Variants in DIS3L observed in about 807,000 individuals in gnomAD.
The protein encoded by DIS3L is DIS3-like exonuclease 1.
Under a neutral mutation model 120.3 loss-of-function variants are expected in DIS3L, and 100 were observed. The observed-to-expected ratio is 0.83, with a 90% CI of 0.71 to 0.98. The LOEUF is 0.98. Ranked by LOEUF, DIS3L falls within the 50% of genes least tolerant of loss-of-function variation. The pLI, the probability that DIS3L is intolerant of heterozygous loss-of-function variation, is 0.00. For missense variants in DIS3L, 1,196 were observed against 1,314.2 expected (o/e 0.91, Z 1.39); for synonymous variants, 426 against 470.6 (o/e 0.91, Z 1.23).
intron 1 of DIS3L, among the ~76,000 whole-genome samples, chr15:66,294,611 A>G (rs1470726991): frequency 6.6e-6 from 1 of 152,128 alleles, no homozygotes; most frequent in African/African-American, 2.4e-5. Flanking sequence ...AGCCAACTTT[A>G]AATTGCTGGG....
At chr15:66,298,838 C>T (rs554515621) in intron 2 of DIS3L, among the ~76,000 whole-genome samples, 16 of 152,224 alleles carry the variant, frequency 1.1e-4, no homozygotes, top group Non-Finnish European at 1.9e-4. Flanking sequence ...CACCAAGAGA[C>T]TATATGTGCC....
At position 66,325,853 on chromosome 15, in the gene DIS3L, G is replaced by C. The variant is rs1192309029; in HGVS notation, c.1690G>C (p.Glu564Gln). The change falls in exon 12 of 17, where the codon GAA (glutamate) becomes CAA (glutamine). Residue 564 changes from glutamate to glutamine, a missense_variant. Coordinates refer to ENST00000319212, the MANE Select transcript of DIS3L (RefSeq NM_001143688.3). Reference protein sequence around the residue: ...VDRYAVSIMWELDKASYEIKK... With the variant: ...VDRYAVSIMWQLDKASYEIKK... The stretch of plus-strand genomic sequence containing the variant: ...TAGGTATGCTGTAAGCATCATGTGG[G>C]AACTGGATAAAGCCTCTTATGAAAT... The C allele has an allele frequency of 6.2e-7, 1 of 1,606,730 alleles. No individual in the cohort carries two copies.
At position 66,326,134 on chromosome 15, in the gene DIS3L, C is replaced by T. The variant is rs775647685; in HGVS notation, c.1971C>T (p.Cys657=). The change falls in exon 12 of 17, where the codon TGC becomes TGT. Residue 657 remains cysteine, a synonymous_variant. Coordinates refer to ENST00000319212, the MANE Select transcript of DIS3L (RefSeq NM_001143688.3). ...TGGAACTGGAAGGGGTAGAGGTTTG[C>T]GTACAGCTAGATGACAAAAAGAACA... ...GALELEGVEV[C]VQLDDKKNIH... The T allele has an allele frequency of 8.1e-6, 13 of 1,614,016 alleles. No individual in the cohort carries two copies. The highest frequency in any genetic ancestry group is 6.7e-5 in the East Asian group (3 of 44,896).
chr15:66,332,472 A>T (rs1185454127), intron 15 of DIS3L, among the ~76,000 whole-genome samples: 2 of 129,200 alleles, frequency 1.5e-5, no homozygotes, highest in African/African-American at 2.7e-5. Flanking sequence ...AAAAAAAAAA[A>T]AGTGAAGACT....
intron 5 of DIS3L, among the ~76,000 whole-genome samples, chr15:66,313,837 G>A (rs2092789091): frequency 6.7e-6 from 1 of 149,988 alleles, no homozygotes; most frequent in Non-Finnish European, 1.5e-5. Flanking sequence ...AGAAAAAAGT[G>A]TATATGTGTG....
At chr15:66,325,507 A>C (rs2092926338) in intron 11 of DIS3L, among the ~76,000 whole-genome samples, 1 of 152,218 alleles carries the variant, frequency 6.6e-6, no homozygotes, top group Non-Finnish European at 1.5e-5. Context: ...AATTTAAAAT[A>C]TTTTTTGATT....
intron 11 of DIS3L, among the ~76,000 whole-genome samples, chr15:66,325,221 C>T (rs2092923293): frequency 1.3e-5 from 2 of 152,132 alleles, no homozygotes; most frequent in Non-Finnish European, 2.9e-5. Flanking sequence ...CAGTGAAACC[C>T]CGTCTCTACT....
intron 12 of DIS3L, 48 bp downstream of exon 12, chr15:66,326,412 T>C (rs1444798753): frequency 6.4e-7 from 1 of 1,555,952 alleles, no homozygotes; most frequent in East Asian, 2.3e-5. Context: ...ATGCTGTATA[T>C]TTAGTTATCT....
intron 1 of DIS3L, chr15:66,293,951 C>T: frequency 1.0e-6 from 1 of 995,144 alleles, no homozygotes; most frequent in Non-Finnish European, 1.2e-6. Flanking sequence ...GACTCCCTTA[C>T]TGCTCCGCCC....
chr15:66,295,221 G>A, intron 2 of DIS3L, 80 bp downstream of exon 2: 1 of 1,364,678 alleles, frequency 7.3e-7, no homozygotes, highest in Non-Finnish European at 1.0e-6. Flanking sequence ...GAGGGGGATG[G>A]GAGGAATTCA....
At chr15:66,320,511 T>C in intron 8 of DIS3L, 60 bp from the exon 9 acceptor site, 2 of 1,534,884 alleles carry the variant, frequency 1.3e-6, no homozygotes, top group Non-Finnish European at 8.8e-7. Context: ...GTTTGATGCC[T>C]CTAATTGACC....
intron 2 of DIS3L, among the ~76,000 whole-genome samples, chr15:66,296,674 C>T (rs559740362): frequency 2.0e-5 from 3 of 152,030 alleles, no homozygotes; most frequent in Non-Finnish European, 4.4e-5. Context: ...CAGGTGCACG[C>T]CACCACGCCC....
At chr15:66,308,539 A>G (rs1275339459) in intron 3 of DIS3L, among the ~76,000 whole-genome samples, 170 bp from the exon 4 acceptor site, 1 of 152,188 alleles carries the variant, frequency 6.6e-6, no homozygotes, top group African/African-American at 2.4e-5. Context: ...TGTATCCCCC[A>G]GAGCACCCAG....
At chr15:66,310,491 T>TATTGTG (rs2092749635) in intron 4 of DIS3L, among the ~76,000 whole-genome samples, 1 of 152,164 alleles carries the variant, frequency 6.6e-6, no homozygotes, top group Admixed American at 6.5e-5. Flanking sequence ...AAAAAAGAGA[T>TATTGTG]ATTGTGAAGT....
At chr15:66,324,975 C>G (rs185952808) in intron 11 of DIS3L, among the ~76,000 whole-genome samples, 1 of 151,890 alleles carries the variant, frequency 6.6e-6, no homozygotes, top group Non-Finnish European at 1.5e-5. Context: ...GAAATTTTTG[C>G]TAATTTATCT....
rs1231445766 is a variant in DIS3L at position 66,333,075 on chromosome 15, A to G, written c.2928A>G (p.Pro976=). 1 of 1,613,442 alleles carries G rather than the reference A, an allele frequency of 6.2e-7. No individual in the cohort carries two copies. Among genetic ancestry groups the G allele is most frequent in the Non-Finnish European group, 8.5e-7 (1 of 1,180,036 alleles). Residue 976 remains proline, a synonymous_variant, in exon 17 of 17, where the codon CCA becomes CCG. Coordinates refer to ENST00000319212, the MANE Select transcript of DIS3L (RefSeq NM_001143688.3). ...TIRLEIISNK[P]YKIPNTELIH... is the part of the protein sequence containing the mutation. ...GACTTGAAATAATTAGTAACAAACC[A>G]TACAAGATACCAAATACAGAACTTA...
chr15:66,304,917 A>T (rs2092687453), intron 2 of DIS3L, among the ~76,000 whole-genome samples: 1 of 151,298 alleles, frequency 6.6e-6, no homozygotes, highest in South Asian at 2.1e-4. Context: ...AAAAAAAAAA[A>T]AGGATATTTT....
At chr15:66,327,179 C>T (rs574701375) in intron 12 of DIS3L, among the ~76,000 whole-genome samples, 6 of 152,104 alleles carry the variant, frequency 3.9e-5, no homozygotes, top group South Asian at 4.2e-4. Flanking sequence ...TCGCCCGTCT[C>T]GGTCTCCCAA....
At chr15:66,323,737 C>G in intron 11 of DIS3L, 152 bp downstream of exon 11, 1 of 699,668 alleles carries the variant, frequency 1.4e-6, no homozygotes, top group Non-Finnish European at 2.5e-6. Context: ...CGACCCCAAC[C>G]CCACACCACT....
Sources: allele counts gnomAD v4.1 joint callset (sites outside exome capture counted in the v4.1 genomes callset), GRCh38; gene constraint gnomAD v4.1.1; transcripts MANE v1.5; gene names NCBI Gene and HGNC (gene_info 2026-07-23, HGNC 2026-07-21).